ZFAND3: variants seen among roughly 807,000 people sequenced by gnomAD.
ZFAND3 encodes zinc finger AN1-type containing 3.
In ZFAND3, 10 loss-of-function variants were observed where a neutral mutation model predicts 29.6. That is an observed-to-expected ratio of 0.34 (90% CI 0.21 to 0.57). The LOEUF is 0.57. Ranked by LOEUF, ZFAND3 falls within the 20% of genes least tolerant of loss-of-function variation. The probability of loss-of-function intolerance (pLI) is 0.86; values close to 1 mark genes in which losing one functional copy is unlikely to be tolerated. For synonymous variants in ZFAND3, 128 were observed against 112.6 expected (o/e 1.14, Z -0.87); for missense variants, 230 against 304.5 (o/e 0.76, Z 1.82).
chr6:37,859,331 T>C lies in ZFAND3; in HGVS notation c.71+39315T>C, dbSNP rs549286111. ...AAAGACAGATGATCCTGGCACACTT[T>C]TGCTTAAATTTTATTTCAGTGTTCT... On this transcript the variant is annotated intron_variant, in intron 1 of 5. Transcript: ENST00000287218. Among the ~76,000 whole-genome samples, 6 of 152,348 alleles carry C rather than the reference T, an allele frequency of 3.9e-5. No homozygotes were observed. The South Asian group carries it at 8.3e-4, about 21-fold the overall frequency.
At chr6:37,940,427 G>GT (rs1284253322) in intron 2 of ZFAND3, among the ~76,000 whole-genome samples, 2 of 152,298 alleles carry the variant, frequency 1.3e-5, no homozygotes, top group African/African-American at 4.8e-5. Context: ...GGCCATTAAT[G>GT]TATGACTAAA....
intron 1 of ZFAND3, among the ~76,000 whole-genome samples, chr6:37,851,433 A>G (rs1252401998): frequency 1.3e-5 from 2 of 152,178 alleles, no homozygotes; most frequent in Non-Finnish European, 2.9e-5. Flanking sequence ...TGAAATAAAA[A>G]TCAAACTCCT....
chr6:38,081,879 A>G (rs1248603153), intron 3 of ZFAND3, among the ~76,000 whole-genome samples: 2 of 152,080 alleles, frequency 1.3e-5, no homozygotes, highest in Non-Finnish European at 1.5e-5. Context: ...TGCTTTCTTT[A>G]TATATGAAAA....
Position 38,048,152 on chromosome 6 carries a change from C to T in ZFAND3, c.113-13441C>T, listed in dbSNP as rs369406657. 6.6e-5 allele frequency among the ~76,000 whole-genome samples: 10 copies of T among 151,890 alleles called. No homozygotes were observed. In the East Asian group the frequency reaches 9.8e-4, roughly 15 times the overall value. ...TCCTGAGTAGCTGGGACTACAGGCG[C>T]GCACCATTATGCCTGGCCAATTTTT... On this transcript the variant is annotated intron_variant, in intron 2 of 5. Transcript: ENST00000287218.
At chr6:37,899,902 A>G (rs943694597) in intron 1 of ZFAND3, among the ~76,000 whole-genome samples, 1 of 152,212 alleles carries the variant, frequency 6.6e-6, no homozygotes, top group African/African-American at 2.4e-5. Context: ...CTTAACCATT[A>G]TACATTTAAA....
rs1766250325 is a variant in ZFAND3 at position 38,152,536 on chromosome 6, G to A, written c.*147G>A. On this transcript the variant is annotated 3_prime_UTR_variant, in exon 6 of 6. Coordinates refer to ENST00000287218, the MANE Select transcript of ZFAND3 (RefSeq NM_021943.3). ...TTCTTTAGCCAGCCATCCTGGTACT[G>A]TAGTTTAGGGGTTGATGGTGGTTGA... is the stretch of plus-strand genomic sequence containing the variant. The A allele has an allele frequency of 9.6e-6, 13 of 1,347,792 alleles. No individual in the cohort carries two copies. The South Asian group carries it at 2.2e-4, about 23-fold the overall frequency. The allele number at this position is 1,347,792 out of a possible 1,614,324, so 83.5% of individuals were successfully genotyped here.
chr6:37,913,513 T>G (rs1765559538), intron 1 of ZFAND3, among the ~76,000 whole-genome samples: 1 of 152,120 alleles, frequency 6.6e-6, no homozygotes. Flanking sequence ...AGTTATTTCC[T>G]TCACTGAAAT....
intron 2 of ZFAND3, among the ~76,000 whole-genome samples, chr6:38,052,532 T>C (rs1561981665): frequency 6.6e-6 from 1 of 152,204 alleles, no homozygotes; most frequent in Admixed American, 6.5e-5. Flanking sequence ...TTATATTATG[T>C]ATTATGTGGC....
chr6:38,130,603 G>A (rs548342775), intron 5 of ZFAND3, among the ~76,000 whole-genome samples: 1 of 152,200 alleles, frequency 6.6e-6, no homozygotes, highest in East Asian at 1.9e-4. Flanking sequence ...TGTTTGTGTG[G>A]TATATCCCAT....
chr6:37,896,519 TTTC>T (rs1266541764), intron 1 of ZFAND3, among the ~76,000 whole-genome samples: 9 of 92,606 alleles, frequency 9.7e-5, no homozygotes, highest in African/African-American at 4.6e-4. Context: ...CTTTCTTTTC[TTTC>T]TTTCTTTCTT....
chr6:38,067,054 G>A (rs937376838), intron 3 of ZFAND3, among the ~76,000 whole-genome samples: 6 of 152,180 alleles, frequency 3.9e-5, no homozygotes, highest in Non-Finnish European at 8.8e-5. Context: ...GATAGTAATG[G>A]TAACGGCTCA....
chr6:37,951,901 G>A (rs763712013), intron 2 of ZFAND3, among the ~76,000 whole-genome samples: 7 of 152,172 alleles, frequency 4.6e-5, no homozygotes, highest in Non-Finnish European at 8.8e-5. Flanking sequence ...TTAACACGAA[G>A]CGATGTTGAC....
chr6:38,114,362 G>C (rs1765376132), intron 4 of ZFAND3, among the ~76,000 whole-genome samples: 1 of 152,188 alleles, frequency 6.6e-6, no homozygotes, highest in Non-Finnish European at 1.5e-5. Flanking sequence ...GTTGCTTGTT[G>C]CTCTTGTAGA....
intron 1 of ZFAND3, among the ~76,000 whole-genome samples, chr6:37,895,720 G>A (rs760514199): frequency 1.3e-5 from 2 of 152,008 alleles, no homozygotes; most frequent in Non-Finnish European, 2.9e-5. Flanking sequence ...ACCAGAGATT[G>A]TGAACTTTAC....
intron 2 of ZFAND3, among the ~76,000 whole-genome samples, chr6:38,016,362 A>G (rs1763252667): frequency 6.6e-6 from 1 of 152,220 alleles, no homozygotes; most frequent in Non-Finnish European, 1.5e-5. Flanking sequence ...TCAGAGAACC[A>G]TGGGACGATA....
At chr6:38,114,482 GT>G (rs1455768238) in intron 4 of ZFAND3, among the ~76,000 whole-genome samples, 1 of 152,222 alleles carries the variant, frequency 6.6e-6, no homozygotes, top group East Asian at 1.9e-4. Flanking sequence ...GCCTTCAATT[GT>G]TTTCATCAGA....
intron 2 of ZFAND3, among the ~76,000 whole-genome samples, chr6:37,979,408 T>G (rs1235409466): frequency 6.6e-6 from 1 of 152,212 alleles, no homozygotes; most frequent in Non-Finnish European, 1.5e-5. Context: ...TTTCTGTAAA[T>G]GTACAAATCT....
At chr6:38,050,750 T>C (rs1764010667) in intron 2 of ZFAND3, among the ~76,000 whole-genome samples, 1 of 152,254 alleles carries the variant, frequency 6.6e-6, no homozygotes, top group South Asian at 2.1e-4. Flanking sequence ...ACCCTGGGAC[T>C]ATAGGCGTGC....
chr6:37,841,026 C>A (rs191235184), intron 1 of ZFAND3, among the ~76,000 whole-genome samples: 84 of 152,244 alleles, frequency 5.5e-4, no homozygotes, highest in Non-Finnish European at 9.7e-4. Flanking sequence ...GGAAGTTCCC[C>A]TTTGTGACTT....
Sources: gnomAD v4.1 joint callset for allele counts (sites outside exome capture counted in the v4.1 genomes callset) on GRCh38, gnomAD v4.1.1 for gene constraint, MANE v1.5 for transcripts, NCBI Gene and HGNC (gene_info 2026-07-23, HGNC 2026-07-21) for gene names.